Variants in NOMO3 observed in about 807,000 individuals in gnomAD.
NOMO3 encodes NODAL modulator 3, also known as BOS complex subunit NOMO3.
In NOMO3, 15 loss-of-function variants were observed where a neutral mutation model predicts 69.9. That is an observed-to-expected ratio of 0.21 (90% CI 0.14 to 0.33). NOMO3 has a LOEUF of 0.33. Among genes scored for constraint, NOMO3 ranks in the 10% least tolerant of loss-of-function variants. NOMO3 has a pLI of 1.00. For synonymous variants in NOMO3, 89 were observed against 301.9 expected, an observed-to-expected ratio of 0.29 and a Z score of 7.31; for missense variants, 218 against 761.0, an observed-to-expected ratio of 0.29 and a Z score of 8.39.
At chr16:16,244,026 G>C (rs1167337504) in intron 4 of NOMO3, among the ~76,000 whole-genome samples, 3 of 143,708 alleles carry the variant, frequency 2.1e-5, no homozygotes, top group Non-Finnish European at 4.5e-5. Flanking sequence ...CCGCCACGGT[G>C]GTGTGAATTT....
chr16:16,251,506 A>G (rs2141252647), intron 7 of NOMO3: 1 of 190,074 alleles, frequency 5.3e-6, no homozygotes, highest in Non-Finnish European at 1.0e-5. Flanking sequence ...CAAAAAAAAA[A>G]AAAAAATTCA....
chr16:16,257,660 CT>C (rs1214776837), intron 11 of NOMO3, among the ~76,000 whole-genome samples: 1 of 142,628 alleles, frequency 7.0e-6, no homozygotes, highest in African/African-American at 2.9e-5. Context: ...CCTAGGGAGC[CT>C]GAGGTCATAG....
chr16:16,251,583 G>C (rs1156290761), intron 7 of NOMO3: 1 of 296,466 alleles, frequency 3.4e-6, no homozygotes. Context: ...AGTGGTATGT[G>C]ATGGAAAGTA....
intron 4 of NOMO3, 75 bp downstream of exon 4, chr16:16,243,336 G>A: frequency 1.7e-6 from 1 of 574,036 alleles, no homozygotes. Flanking sequence ...AAAAAATGCA[G>A]GATATTTTAA....
chr16:16,234,119 C>T (rs2049306138), intron 1 of NOMO3, among the ~76,000 whole-genome samples: 1 of 152,080 alleles, frequency 6.6e-6, no homozygotes, highest in Non-Finnish European at 1.5e-5. Context: ...TGAATCTACC[C>T]ACTGGCAGCG....
chr16:16,265,232 G>T, intron 15 of NOMO3, 53 bp downstream of exon 15: 1 of 1,589,054 alleles, frequency 6.3e-7, no homozygotes, highest in Middle Eastern at 2.3e-4. Flanking sequence ...CCTTGTGGAT[G>T]TCAAGAAAGA....
Position 16,236,946 on chromosome 16 carries a change from T to C in NOMO3, c.211T>C (p.Cys71Arg), listed in dbSNP as rs1430467167. The change falls in exon 2 of 31, where the codon TGT becomes CGT. Residue 71 changes from cysteine to arginine, a missense_variant. By Grantham distance (180) the Cys-to-Arg change is radical (BLOSUM62 -3). Coordinates refer to ENST00000399336, the MANE Select transcript of NOMO3 (RefSeq NM_001004067.4). Reference protein sequence around the residue: ...KHGTLKYQTDCAPNNGYFMIP... With the variant: ...KHGTLKYQTDRAPNNGYFMIP... ...TGGGACTTTGAAATACCAGACAGAC[T>C]GTGCCCCTAATAATGGTTACTTTAT... 1 of 1,556,206 alleles carries C rather than the reference T, an allele frequency of 6.4e-7. No individual in the cohort carries two copies. The highest frequency in any genetic ancestry group is 2.5e-5 in the East Asian group (1 of 40,174).
intron 13 of NOMO3, 74 bp from the exon 14 acceptor site, chr16:16,263,436 TACA>T (rs1244355001): frequency 1.5e-6 from 1 of 681,780 alleles, no homozygotes; most frequent in Non-Finnish European, 2.5e-6. Context: ...AAGAAGCTAT[TACA>T]TAGGGTTAGG....
intron 1 of NOMO3, among the ~76,000 whole-genome samples, 188 bp from the exon 2 acceptor site, chr16:16,236,713 C>G (rs2049329601): frequency 6.9e-6 from 1 of 144,346 alleles, no homozygotes; most frequent in South Asian, 2.2e-4. Flanking sequence ...ATCTGAAAAA[C>G]ATTGAGTCAC....
chr16:16,236,434 G>C (rs2049327600), intron 1 of NOMO3, among the ~76,000 whole-genome samples: 1 of 142,102 alleles, frequency 7.0e-6, no homozygotes, highest in African/African-American at 2.9e-5. Context: ...TTTTAGTAGG[G>C]ACAGGGTTTC....
intron 1 of NOMO3, 149 bp from the exon 2 acceptor site, chr16:16,236,752 C>G (rs1201271743): frequency 3.1e-6 from 2 of 647,820 alleles, no homozygotes; most frequent in Middle Eastern, 8.6e-4. Flanking sequence ...TGTTGATTTC[C>G]CTCTGTCCCC....
intron 1 of NOMO3, among the ~76,000 whole-genome samples, chr16:16,235,031 T>C (rs971348384): frequency 9.2e-5 from 14 of 152,008 alleles, no homozygotes; most frequent in South Asian, 2.1e-4. Context: ...AGTCCCTGCC[T>C]TAAATGCATG....
intron 2 of NOMO3, among the ~76,000 whole-genome samples, chr16:16,237,936 A>G (rs1375819879): frequency 6.9e-6 from 1 of 144,700 alleles, no homozygotes; most frequent in Non-Finnish European, 1.5e-5. Context: ...GCATATGTAT[A>G]TATGGAAATA....
chr16:16,235,945 C>T (rs542720214), intron 1 of NOMO3: 10 of 403,744 alleles, frequency 2.5e-5, no homozygotes, highest in East Asian at 1.7e-4. Flanking sequence ...CCCAAGGCCA[C>T]GCAACACGTG....
chr16:16,257,524 C>T lies in NOMO3; in HGVS notation c.1220+1366C>T, dbSNP rs1196454337. Among the ~76,000 whole-genome samples, 47 of 135,228 alleles carry T rather than the reference C, an allele frequency of 3.5e-4. 3 individuals are homozygous for T. The highest frequency in any genetic ancestry group is 5.6e-4 in the Non-Finnish European group (37 of 65,940). 88.7% of individuals were successfully genotyped at this position (135,228 alleles called of 152,430 possible). A position where few individuals can be genotyped will look rare whatever the true frequency, so the allele number is the denominator to read the frequency against. On this transcript the variant is annotated intron_variant, in intron 11 of 30. Coordinates refer to ENST00000399336, the MANE Select transcript of NOMO3 (RefSeq NM_001004067.4). ...ACTAGGTGGAGCTCTTCAATAGGTA[C>T]TTGGATGGATGGTAAATCCTGAAGA...
chr16:16,260,450 G>A (rs2049554014), intron 11 of NOMO3, among the ~76,000 whole-genome samples: 1 of 141,454 alleles, frequency 7.1e-6, no homozygotes, highest in African/African-American at 3.0e-5. Context: ...TGGAGATAGT[G>A]AGCTCATATG....
intron 15 of NOMO3, 32 bp downstream of exon 15, chr16:16,265,211 A>C: frequency 6.3e-7 from 1 of 1,588,528 alleles, no homozygotes; most frequent in Non-Finnish European, 8.5e-7. Context: ...TCTTATTTGG[A>C]AAAGCGCTTG....
intron 1 of NOMO3, among the ~76,000 whole-genome samples, chr16:16,235,152 A>C (rs2049316765): frequency 6.6e-6 from 1 of 151,372 alleles, no homozygotes; most frequent in East Asian, 1.9e-4. Flanking sequence ...AGAACTTTAC[A>C]TACAGGCTTA....
Position 16,263,662 on chromosome 16 carries a change from A to G in NOMO3, c.1669+18A>G, listed in dbSNP as rs1219890901. 3.5e-6 allele frequency: 2 copies of G among 565,090 alleles called. No individual in the cohort carries two copies. The highest frequency in any genetic ancestry group is 3.6e-5 in the East Asian group (1 of 27,624). 35.0% of individuals were successfully genotyped at this position (565,090 alleles called of 1,614,324 possible). ...ATACAAAAGTAAGAATTGGAATGCA[A>G]CATCCTGTGGCCCTCACACACTTCT... On this transcript the variant is annotated intron_variant, in intron 14 of 30. Coordinates refer to ENST00000399336, the MANE Select transcript of NOMO3 (RefSeq NM_001004067.4).
Sources: gnomAD v4.1 joint callset for allele counts (sites outside exome capture counted in the v4.1 genomes callset) on GRCh38, gnomAD v4.1.1 for gene constraint, MANE v1.5 for transcripts, NCBI Gene and HGNC (gene_info 2026-07-23, HGNC 2026-07-21) for gene names.